Variants in WDPCP observed in about 807,000 individuals in gnomAD.
WDPCP encodes WD repeat-containing and planar cell polarity effector protein fritz homolog.
A neutral mutation model predicts 93.1 loss-of-function variants in WDPCP; 71 were observed. The ratio of observed to expected loss-of-function variants is 0.76; its 90% CI spans 0.63 to 0.93. The LOEUF (loss-of-function observed/expected upper bound fraction) is 0.93. WDPCP is among the 40% of genes least tolerant of loss of function. WDPCP has a pLI of 0.00. For synonymous variants in WDPCP, 315 were observed against 315.0 expected (o/e 1.00, Z 0.00); for missense variants, 844 against 887.4 (o/e 0.95, Z 0.62).
At chr2:63,507,150 C>A (rs10168545) in intron 1 of WDPCP, among the ~76,000 whole-genome samples, 119,055 of 151,916 alleles carry the variant, frequency 0.78, 47,060 homozygotes, top group East Asian at 0.98. Context: ...AAAGAAATCA[C>A]TAAGTACCCA....
At chr2:63,700,976 T>G (rs1669040072) in intron 2 of WDPCP, among the ~76,000 whole-genome samples, 1 of 152,170 alleles carries the variant, frequency 6.6e-6, no homozygotes, top group Non-Finnish European at 1.5e-5. Context: ...ATTTTTGGTG[T>G]AAGACTTCAA....
intron 14 of WDPCP, among the ~76,000 whole-genome samples, chr2:63,247,851 C>T (rs1680411420): frequency 6.6e-6 from 1 of 151,668 alleles, no homozygotes; most frequent in South Asian, 2.1e-4. Flanking sequence ...TACTCATTTC[C>T]TCCATTGCTG....
intron 12 of WDPCP, among the ~76,000 whole-genome samples, chr2:63,373,595 A>C (rs957079442): frequency 2.0e-5 from 3 of 151,784 alleles, no homozygotes; most frequent in Non-Finnish European, 2.9e-5. Context: ...AAAAAAAAAA[A>C]ACTGAGGAAA....
rs747580148 is a variant in WDPCP at position 63,562,007 on chromosome 2, A to T, written c.75+26190T>A. On this transcript the variant is annotated intron_variant, in intron 1 of 17. Transcript: ENST00000272321. ...ACCAGAAATACCATTTGACCTAGCA[A>T]TCTCATTATTGGGTATATACCAAAA... Among the ~76,000 whole-genome samples the T allele has an allele frequency of 2.0e-5, 3 of 152,332 alleles. No individual in the cohort carries two copies. The South Asian group carries it at 6.2e-4, about 32-fold the overall frequency.
intron 14 of WDPCP, among the ~76,000 whole-genome samples, chr2:63,237,519 G>A (rs1679504674): frequency 6.6e-6 from 1 of 151,998 alleles, no homozygotes; most frequent in Admixed American, 6.6e-5. Flanking sequence ...AAGATACCCG[G>A]CCTTGTAAGC....
In WDPCP at chr2:63,251,486, CTT is replaced by C. The variant is rs869243555; in HGVS notation, c.1915+7819_1915+7820del. Among the ~76,000 whole-genome samples, 406 of 107,114 alleles carry C rather than the reference CTT, an allele frequency of 3.8e-3. 1 individual carries two copies. Among genetic ancestry groups the C allele is most frequent in the African/African-American group, 0.013 (375 of 27,794 alleles). 70.3% of individuals were successfully genotyped at this position (107,114 alleles called of 152,430 possible). Reference sequence around the variant, plus strand: ...ATTCAATCAATAATAAAAAGCCTACCTTTTTTTTTTTTTTTTTTTTTTTGAGA... The same window carrying C: ...ATTCAATCAATAATAAAAAGCCTACCTTTTTTTTTTTTTTTTTTTTTGAGA... On this transcript the variant is annotated intron_variant, in intron 14 of 17. Transcript: ENST00000272321.
chr2:63,206,487 C>T (rs1017280817), intron 14 of WDPCP, among the ~76,000 whole-genome samples: 5 of 152,082 alleles, frequency 3.3e-5, no homozygotes, highest in Admixed American at 6.6e-5. Context: ...GACACAGTCT[C>T]ACTCTGTCAT....
At chr2:63,338,563 AAAAAAAATATATATATATAT>A (rs1264112812) in intron 12 of WDPCP, among the ~76,000 whole-genome samples, 2,305 of 86,476 alleles carry the variant, frequency 0.027, 246 homozygotes, top group Admixed American at 0.048. Context: ...AAAAAAAAAA[AAAAAAAATATATATATATAT>A]ATATATATAT....
intron 15 of WDPCP, among the ~76,000 whole-genome samples, chr2:63,166,778 A>G (rs530402382): frequency 3.3e-5 from 5 of 152,310 alleles, no homozygotes; most frequent in South Asian, 4.1e-4. Context: ...AGCATTTATC[A>G]TTTCCTTGTG....
intron 14 of WDPCP, among the ~76,000 whole-genome samples, chr2:63,256,744 A>G (rs971082950): frequency 5.9e-5 from 9 of 152,228 alleles, no homozygotes; most frequent in African/African-American, 2.2e-4. Context: ...ATATTGTTAT[A>G]CAGCAAGAAG....
rs539255961 is a variant in WDPCP at position 63,667,800 on chromosome 2, C to G, written n.309-16962G>C. On this transcript the variant is annotated intron_variant and non_coding_transcript_variant, in intron 2 of 4. Coordinates refer to the WDPCP transcript ENST00000467687. ...CCCTCTGGATTCTGGCTAGGGAAAC[C>G]CAAGTAGTCTTCATGTTATCCAGGT... 4.6e-5 allele frequency among the ~76,000 whole-genome samples: 7 copies of G among 152,186 alleles called. No individual in the cohort carries two copies. In the East Asian group the frequency reaches 1.4e-3, roughly 29 times the overall value.
In WDPCP at chr2:63,152,199, AAG is replaced by A. The variant is rs565281779; in HGVS notation, c.2190+713_2190+714del. On this transcript the variant is annotated intron_variant, in intron 17 of 17. Coordinates refer to ENST00000272321, the MANE Select transcript of WDPCP (RefSeq NM_015910.7). ...TTTGGATAATTTCAAACATATACCA[AAG>A]AGAGAATGACATTTGCAAACTGCTG... Among the ~76,000 whole-genome samples, 170 of 152,148 alleles carry A rather than the reference AAG, an allele frequency of 1.1e-3. 1 individual carries two copies. Among genetic ancestry groups the A allele is most frequent in the African/African-American group, 3.9e-3 (160 of 41,512 alleles).
At chr2:63,449,954 C>A (rs1394354393) in intron 6 of WDPCP, among the ~76,000 whole-genome samples, 1 of 152,152 alleles carries the variant, frequency 6.6e-6, no homozygotes, top group Non-Finnish European at 1.5e-5. Flanking sequence ...ATGGGGTCTC[C>A]AGTACTTTAG....
intron 1 of WDPCP, among the ~76,000 whole-genome samples, chr2:63,559,522 C>A (rs1211988796): frequency 6.6e-6 from 1 of 152,120 alleles, no homozygotes; most frequent in Admixed American, 6.6e-5. Context: ...ATCTAGAAAA[C>A]CCCTTCACCT....
chr2:63,135,276 A>G, intron 17 of WDPCP, among the ~76,000 whole-genome samples: 1 of 152,244 alleles, frequency 6.6e-6, no homozygotes, highest in South Asian at 2.1e-4. Context: ...TTAGCCAAGC[A>G]CTGTCAGAAC....
upstream of WDPCP, among the ~76,000 whole-genome samples, chr2:63,831,562 T>G (rs1671201371): frequency 2.0e-5 from 3 of 152,148 alleles, no homozygotes; most frequent in Admixed American, 2.0e-4. Flanking sequence ...GTATTTAACA[T>G]AATTTAAATG....
chr2:63,240,550 T>C (rs758082881), intron 14 of WDPCP, among the ~76,000 whole-genome samples: 2 of 152,176 alleles, frequency 1.3e-5, no homozygotes, highest in East Asian at 1.9e-4. Context: ...TTTGGAATTA[T>C]TGATAGAAGA....
At chr2:63,827,898 A>G (rs1007835439), upstream of WDPCP, 1 of 152,182 alleles carries the variant, frequency 6.6e-6, no homozygotes, top group Non-Finnish European at 1.5e-5. Flanking sequence ...TGTTGGGTGC[A>G]GTTTCATGGG....
intron 13 of WDPCP, among the ~76,000 whole-genome samples, chr2:63,304,088 A>G (rs1375910764): frequency 6.6e-6 from 1 of 152,156 alleles, no homozygotes; most frequent in Non-Finnish European, 1.5e-5. Flanking sequence ...ATGTTTTACA[A>G]AGAACTAAAA....
Sources: allele counts gnomAD v4.1 joint callset (sites outside exome capture counted in the v4.1 genomes callset), GRCh38; gene constraint gnomAD v4.1.1; transcripts MANE v1.5; gene names NCBI Gene and HGNC (gene_info 2026-07-23, HGNC 2026-07-21).